Variants in BTBD9 observed in about 807,000 individuals in gnomAD.
The protein encoded by BTBD9 is BTB/POZ domain-containing protein 9.
BTBD9 carries 49 observed loss-of-function variants against 64.3 expected under a neutral mutation model. That is an observed-to-expected ratio of 0.76 (90% CI 0.61 to 0.97). BTBD9 has a LOEUF of 0.97. Among genes scored for constraint, BTBD9 ranks in the 50% least tolerant of loss-of-function variants. The pLI is 0.00. For synonymous variants in BTBD9, 260 were observed against 274.7 expected (o/e 0.95, Z 0.53); for missense variants, 598 against 762.1 (o/e 0.78, Z 2.53).
intron 6 of BTBD9, among the ~76,000 whole-genome samples, chr6:38,460,469 T>A (rs1416418626): frequency 6.6e-6 from 1 of 152,286 alleles, no homozygotes; most frequent in East Asian, 1.9e-4. Context: ...AAAAAAGAAT[T>A]TACTGGTGTA....
chr6:38,612,599 T>G (rs550201442), intron 1 of BTBD9, among the ~76,000 whole-genome samples: 1 of 152,224 alleles, frequency 6.6e-6, no homozygotes, highest in Admixed American at 6.5e-5. Flanking sequence ...TGCCTATTTA[T>G]TCCCAAGATG....
rs115125783 is a variant in BTBD9, at chr6:38,354,380, G to A, written c.1155-9287C>T. Among the ~76,000 whole-genome samples, 917 of 152,150 alleles carry A rather than the reference G, an allele frequency of 6.0e-3. 12 individuals are homozygous for A. The highest frequency in any genetic ancestry group is 0.018 in the African/African-American group (758 of 41,514). On this transcript the variant is annotated intron_variant, in intron 6 of 10. Transcript: ENST00000481247. The stretch of plus-strand genomic sequence containing the variant: ...GTACACTCATACAACCAGTTGTGTT[G>A]TATGTTCATATATATAATATATCTA...
chr6:38,255,368 A>T (rs1275301763), intron 9 of BTBD9, among the ~76,000 whole-genome samples: 1 of 152,218 alleles, frequency 6.6e-6, no homozygotes, highest in Non-Finnish European at 1.5e-5. Flanking sequence ...CAATACTGTG[A>T]CTATACTAAA....
At chr6:38,294,582 C>T (rs1288028543) in intron 7 of BTBD9, among the ~76,000 whole-genome samples, 1 of 152,050 alleles carries the variant, frequency 6.6e-6, no homozygotes, top group Non-Finnish European at 1.5e-5. Flanking sequence ...TGTTCTCACT[C>T]ATAAGTGGGA....
intron 6 of BTBD9, among the ~76,000 whole-genome samples, chr6:38,571,276 G>C (rs532269420): frequency 2.7e-4 from 41 of 152,248 alleles, no homozygotes; most frequent in African/African-American, 9.6e-4. Context: ...AAAGTAAATA[G>C]ATACATCAAT....
intron 7 of BTBD9, among the ~76,000 whole-genome samples, chr6:38,312,649 A>C (rs1044584109): frequency 6.6e-6 from 1 of 152,150 alleles, no homozygotes; most frequent in African/African-American, 2.4e-5. Context: ...TCCCAGCATC[A>C]CTTATTGAAG....
chr6:38,305,051 A>G (rs1468493508), intron 7 of BTBD9, among the ~76,000 whole-genome samples: 1 of 152,102 alleles, frequency 6.6e-6, no homozygotes, highest in African/African-American at 2.4e-5. Context: ...CGCTCAATAA[A>G]TATTTGCTGA....
At chr6:38,534,141 GA>G (rs576608057) in intron 6 of BTBD9, among the ~76,000 whole-genome samples, 61 of 151,384 alleles carry the variant, frequency 4.0e-4, no homozygotes, top group African/African-American at 1.5e-3. Flanking sequence ...ACCTAACTAA[GA>G]AAAAAAGAGA....
At chr6:38,543,587 C>T (rs911341133) in intron 6 of BTBD9, among the ~76,000 whole-genome samples, 3 of 152,120 alleles carry the variant, frequency 2.0e-5, no homozygotes, top group Admixed American at 1.3e-4. Flanking sequence ...TGCAGGTTGG[C>T]ATGCCATGAC....
chr6:38,283,491 T>A (rs1022003831), intron 8 of BTBD9, among the ~76,000 whole-genome samples: 1 of 151,926 alleles, frequency 6.6e-6, no homozygotes, highest in African/African-American at 2.4e-5. Context: ...CTACAAAAAA[T>A]TTTATAAACT....
At chr6:38,358,858 G>A (rs1008147498) in intron 6 of BTBD9, among the ~76,000 whole-genome samples, 2 of 150,840 alleles carry the variant, frequency 1.3e-5, no homozygotes, top group Admixed American at 6.6e-5. Context: ...TGCAAGCTCC[G>A]CTTCCCGGGT....
intron 10 of BTBD9, chr6:38,179,902 T>C (rs1367508973): frequency 2.2e-6 from 1 of 445,028 alleles, no homozygotes; most frequent in Non-Finnish European, 4.6e-6. Flanking sequence ...GGGAGCTGCT[T>C]TCCAGGCAAA....
chr6:38,558,254 T>C (rs2127454400), intron 6 of BTBD9, among the ~76,000 whole-genome samples: 1 of 134,332 alleles, frequency 7.4e-6, no homozygotes, highest in Admixed American at 7.5e-5. Context: ...TGAGACCCTT[T>C]CTTAAAAAAA....
chr6:38,336,978 C>T (rs1222220789), intron 7 of BTBD9, among the ~76,000 whole-genome samples: 1 of 152,090 alleles, frequency 6.6e-6, no homozygotes, highest in Non-Finnish European at 1.5e-5. Flanking sequence ...AGAAGTTAAG[C>T]TTTACTGACA....
intron 6 of BTBD9, among the ~76,000 whole-genome samples, chr6:38,470,710 G>A (rs1293879025): frequency 6.6e-6 from 1 of 152,224 alleles, no homozygotes. Context: ...CTGCAGAGCA[G>A]CTGATGATGG....
At chr6:38,556,552 A>T (rs9462443) in intron 6 of BTBD9, among the ~76,000 whole-genome samples, 7,878 of 32,616 alleles carry the variant, frequency 0.24, 196 homozygotes, top group East Asian at 0.31. Context: ...TGTGTGTGTG[A>T]GAGAGAGAGA....
Position 38,334,420 on chromosome 6 carries a change from C to T in BTBD9, c.1264+10564G>A, listed in dbSNP as rs112799077. On this transcript the variant is annotated intron_variant, in intron 7 of 10. Coordinates refer to ENST00000481247, the MANE Select transcript of BTBD9 (RefSeq NM_001099272.2). ...ACTAAAAATACAAAAATTAGCCAGG[C>T]GTGGTGGTGCACACCTGTAATCTCA... 4.0e-3 allele frequency among the ~76,000 whole-genome samples: 601 copies of T among 152,040 alleles called. 9 individuals carry two copies. Among genetic ancestry groups the T allele is most frequent in the East Asian group, 0.036 (188 of 5,168 alleles).
intron 6 of BTBD9, among the ~76,000 whole-genome samples, chr6:38,357,426 C>A (rs550841008): frequency 6.6e-6 from 1 of 152,256 alleles, no homozygotes; most frequent in Admixed American, 6.5e-5. Flanking sequence ...AAAAGAAAAT[C>A]TCTTTACTGT....
intron 8 of BTBD9, among the ~76,000 whole-genome samples, chr6:38,264,686 G>A (rs1394605333): frequency 2.0e-5 from 3 of 152,204 alleles, no homozygotes; most frequent in Admixed American, 6.5e-5. Context: ...GTTCGATGAC[G>A]TGGCTTCACC....
Sources: allele counts gnomAD v4.1 joint callset (sites outside exome capture counted in the v4.1 genomes callset), GRCh38; gene constraint gnomAD v4.1.1; transcripts MANE v1.5; gene names NCBI Gene and HGNC (gene_info 2026-07-23, HGNC 2026-07-21).